Variants in CACNA1C observed in about 807,000 individuals in gnomAD.
CACNA1C encodes calcium voltage-gated channel subunit alpha1 C.
A neutral mutation model predicts 229.0 loss-of-function variants in CACNA1C; 30 were observed. The observed-to-expected ratio is 0.13, with a 90% CI of 0.10 to 0.18. CACNA1C has a LOEUF of 0.18. CACNA1C is among the 10% of genes least tolerant of loss of function. The probability of loss-of-function intolerance (pLI) is 1.00; values close to 1 mark genes in which losing one functional copy is unlikely to be tolerated. For synonymous variants in CACNA1C, 1,114 were observed against 1,132.5 expected, an observed-to-expected ratio of 0.98 and a Z score of 0.33; for missense variants, 1,658 against 2,845.0, an observed-to-expected ratio of 0.58 and a Z score of 9.49.
chr12:2,189,707 C>T lies in CACNA1C; in HGVS notation c.477+69277C>T, dbSNP rs184830845. Among the ~76,000 whole-genome samples, 435 of 152,070 alleles carry T rather than the reference C, an allele frequency of 2.9e-3. 1 individual carries two copies. Among genetic ancestry groups the T allele is most frequent in the African/African-American group, 0.01 (426 of 41,456 alleles). ...TCTTCCGCCATTGTGATTTACCTGC[C>T]ATAAGAGAAGCTAAAGTAAAACAGC... On this transcript the variant is annotated intron_variant, in intron 3 of 46. Coordinates refer to ENST00000399655, the MANE Select transcript of CACNA1C (RefSeq NM_000719.7).
At chr12:2,557,433 A>G (rs539737101) in intron 11 of CACNA1C, among the ~76,000 whole-genome samples, 1 of 152,324 alleles carries the variant, frequency 6.6e-6, no homozygotes, top group African/African-American at 2.4e-5. Flanking sequence ...AAAAGGATCC[A>G]GGGTCCTCAG....
intron 18 of CACNA1C, 133 bp from the exon 19 acceptor site, chr12:2,593,080 G>A: frequency 1.0e-6 from 1 of 968,394 alleles, no homozygotes; most frequent in Non-Finnish European, 1.5e-6. Context: ...CAGGGAGACA[G>A]CAGAATGTCT....
chr12:2,310,729 C>T (rs926482591), intron 3 of CACNA1C, among the ~76,000 whole-genome samples: 1 of 152,282 alleles, frequency 6.6e-6, no homozygotes, highest in Non-Finnish European at 1.5e-5. Flanking sequence ...ATTCTGTGGG[C>T]ACCAGTTCTC....
chr12:2,052,654 G>A (rs2154501245), upstream of CACNA1C, among the ~76,000 whole-genome samples: 1 of 145,076 alleles, frequency 6.9e-6, no homozygotes, highest in African/African-American at 2.5e-5. Flanking sequence ...CGGGTGCGCC[G>A]CGCGCCCCGG....
chr12:2,562,840 G>T (rs2048229381), intron 11 of CACNA1C, among the ~76,000 whole-genome samples: 1 of 152,212 alleles, frequency 6.6e-6, no homozygotes, highest in Non-Finnish European at 1.5e-5. Context: ...TTATCAGGGT[G>T]TTCCTCACAT....
rs890485086 is a variant in CACNA1C, at chr12:2,602,038, G to A, written c.2960+78G>A. ...CAGAGAGGACAACCAGACCCTGGAG[G>A]GCCTGCCTGCAGGGCCACCGCAGTG... On this transcript the variant is annotated intron_variant, in intron 22 of 46. Transcript: ENST00000399655. This position sits in a 1 kb window ranked among gnomAD's most constrained non-coding sequence, Gnocchi z 4.4. The A allele has an allele frequency of 5.4e-5, 52 of 956,034 alleles. No homozygotes were observed. The African/African-American group carries it at 6.9e-4, about 13-fold the overall frequency. 59.2% of individuals were successfully genotyped at this position (956,034 alleles called of 1,614,324 possible).
chr12:2,685,771 C>G lies in CACNA1C; in HGVS notation c.5609C>G (p.Thr1870Arg), dbSNP rs201777030. 6.3e-7 allele frequency: 1 copy of G among 1,582,158 alleles called. No homozygotes were observed. The change falls in exon 44 of 47, where the codon ACG (threonine) becomes AGG (arginine). Residue 1870 changes from threonine (T) to arginine (R), a missense_variant. Thr to Arg is a moderately conservative substitution (Grantham distance 71, BLOSUM62 -1). Transcript: ENST00000399655. ...SYQDDENRQLTLPEEDKRDIR... is the reference protein window; with the variant it reads ...SYQDDENRQLRLPEEDKRDIR... ...CAGGATGACGAAAATCGGCAACTGACGCTCCCAGAGGAGGACAAGAGGGAC... is the reference window on the plus strand; with the variant it reads ...CAGGATGACGAAAATCGGCAACTGAGGCTCCCAGAGGAGGACAAGAGGGAC...
At chr12:2,361,929 G>A (rs886132319) in intron 3 of CACNA1C, among the ~76,000 whole-genome samples, 21 of 152,180 alleles carry the variant, frequency 1.4e-4, no homozygotes, top group Admixed American at 3.9e-4. Flanking sequence ...GTGTGACGTC[G>A]AGCTCTGCCT....
chr12:2,458,981 C>CTTTTTTTTTTTTTTT (rs71057826), intron 5 of CACNA1C, among the ~76,000 whole-genome samples: 2 of 105,598 alleles, frequency 1.9e-5, no homozygotes, highest in African/African-American at 3.6e-5. Context: ...CTTTTTCTTT[C>CTTTTTTTTTTTTTTT]TTTTTTTTTT....
At chr12:2,009,850 C>T (rs2044083061) in intron 1 of CACNA1C, among the ~76,000 whole-genome samples, 1 of 152,166 alleles carries the variant, frequency 6.6e-6, no homozygotes, top group Non-Finnish European at 1.5e-5. Flanking sequence ...TCTACGTGAC[C>T]TTCAACAAAT....
intron 29 of CACNA1C, chr12:2,612,231 G>T (rs1376228315): frequency 1.9e-6 from 1 of 521,670 alleles, no homozygotes; most frequent in African/African-American, 1.9e-5. Context: ...TGTTGACCCT[G>T]GCTGGCATGC....
intron 1 of CACNA1C, among the ~76,000 whole-genome samples, chr12:2,068,925 G>T (rs1245285148): frequency 3.3e-5 from 5 of 152,204 alleles, no homozygotes; most frequent in Non-Finnish European, 5.9e-5. Context: ...TCCTCTGAGG[G>T]TATCAGTTGG....
chr12:2,408,766 C>T (rs139407906), intron 3 of CACNA1C, among the ~76,000 whole-genome samples: 256 of 152,310 alleles, frequency 1.7e-3, no homozygotes, highest in African/African-American at 5.0e-3. Flanking sequence ...TTTCTTTTTG[C>T]TCACTAGTGA....
chr12:2,512,331 G>T lies in CACNA1C; in HGVS notation c.1218-481G>T, dbSNP rs1026576670. Reference sequence around the variant, plus strand: ...CTCAGGACCTGGGGCGAGTGAGTGGGCTTTGGTACACTGCCGGTCCTAAAA... The same window carrying T: ...CTCAGGACCTGGGGCGAGTGAGTGGTCTTTGGTACACTGCCGGTCCTAAAA... On this transcript the variant is annotated intron_variant, in intron 8 of 46. Coordinates refer to ENST00000399655, the MANE Select transcript of CACNA1C (RefSeq NM_000719.7). This position sits in a 1 kb window ranked among gnomAD's most constrained non-coding sequence, Gnocchi z 4.3. Among the ~76,000 whole-genome samples the T allele has an allele frequency of 2.6e-5, 4 of 152,124 alleles. No homozygotes were observed. The highest frequency in any genetic ancestry group is 2.6e-4 in the Admixed American group (4 of 15,272).
At chr12:2,044,591 G>A (rs1016059746) in intron 1 of CACNA1C, among the ~76,000 whole-genome samples, 3 of 152,162 alleles carry the variant, frequency 2.0e-5, no homozygotes, top group Non-Finnish European at 4.4e-5. Context: ...TAAATATTTG[G>A]AATTATTCCT....
intron 3 of CACNA1C, among the ~76,000 whole-genome samples, chr12:2,167,813 A>G (rs958118802): frequency 2.0e-5 from 3 of 152,104 alleles, no homozygotes; most frequent in South Asian, 2.1e-4. Flanking sequence ...TAATCACTCT[A>G]TATACTACAG....
At chr12:2,676,905 T>C in intron 39 of CACNA1C, 189 bp from the exon 40 acceptor site, 1 of 515,190 alleles carries the variant, frequency 1.9e-6, no homozygotes, top group Non-Finnish European at 3.5e-6. Context: ...AGGGCTGTGG[T>C]GGGAGAGACT....
At chr12:2,687,537 A>AC (rs2097568780) in intron 45 of CACNA1C, among the ~76,000 whole-genome samples, 1 of 139,610 alleles carries the variant, frequency 7.2e-6, no homozygotes, top group African/African-American at 2.9e-5. Flanking sequence ...GTACCGTGTG[A>AC]CTTTTTTTTT....
chr12:2,429,131 G>C (rs912015246), intron 3 of CACNA1C, among the ~76,000 whole-genome samples: 1 of 152,040 alleles, frequency 6.6e-6, no homozygotes, highest in Non-Finnish European at 1.5e-5. Context: ...CTTTGCCTCG[G>C]TGGTCACATG....
Sources: allele counts gnomAD v4.1 joint callset (sites outside exome capture counted in the v4.1 genomes callset), GRCh38; gene constraint gnomAD v4.1.1; non-coding constraint Gnocchi (gnomAD v3.1); transcripts MANE v1.5; gene names NCBI Gene and HGNC (gene_info 2026-07-23, HGNC 2026-07-21).